Variants in PCDH15 observed in about 807,000 individuals in gnomAD.
The protein encoded by PCDH15 is protocadherin-15.
Under a neutral mutation model 178.5 loss-of-function variants are expected in PCDH15, and 129 were observed. The ratio of observed to expected loss-of-function variants is 0.72; its 90% confidence interval spans 0.63 to 0.84. The LOEUF (loss-of-function observed/expected upper bound fraction) is 0.84. PCDH15 is among the 40% of genes least tolerant of loss of function. PCDH15 has a pLI of 0.00. For missense variants in PCDH15, 2,230 were observed against 2,099.9 expected, an observed-to-expected ratio of 1.06 and a Z score of -1.21; for synonymous variants, 800 against 732.0, an observed-to-expected ratio of 1.09 and a Z score of -1.50.
At chr10:55,217,273 G>T (rs1016627465) in intron 1 of PCDH15, among the ~76,000 whole-genome samples, 9 of 151,806 alleles carry the variant, frequency 5.9e-5, no homozygotes, top group African/African-American at 9.7e-5. Flanking sequence ...CATATCAATA[G>T]ATAGGGAAAA....
chr10:55,330,753 T>G (rs1844177802), intron 2 of PCDH15, among the ~76,000 whole-genome samples: 1 of 151,810 alleles, frequency 6.6e-6, no homozygotes, highest in South Asian at 2.1e-4. Flanking sequence ...TTTTTGATCC[T>G]GATGACGAAG....
In PCDH15 at chr10:54,779,488, G is replaced by GTGTATATATACACACATATATGTGTGTA. The variant is rs147450863; in HGVS notation, c.-29+21436_-29+21437insTACACACATATATGTGTGTATATATACA. On this transcript the variant is annotated intron_variant, in intron 1 of 37. Coordinates refer to ENST00000644397, the MANE Select transcript of PCDH15 (RefSeq NM_001384140.1). Reference sequence around the variant, plus strand: ...TGTATATATATACACACATATATATGTATATATATACACACATATATGTGT... The same window carrying GTGTATATATACACACATATATGTGTGTA: ...TGTATATATATACACACATATATATGTGTATATATACACACATATATGTGTGTATATATATATACACACATATATGTGT... Among the ~76,000 whole-genome samples, 42 of 53,298 alleles carry GTGTATATATACACACATATATGTGTGTA rather than the reference G, an allele frequency of 7.9e-4. No individual in the cohort carries two copies. In the South Asian group the frequency reaches 9.1e-3, roughly 12 times the overall value. The allele number at this position is 53,298 out of a possible 152,430, so 35.0% of individuals were successfully genotyped here.
At chr10:54,014,394 C>T (rs2092680594) in intron 20 of PCDH15, among the ~76,000 whole-genome samples, 1 of 152,014 alleles carries the variant, frequency 6.6e-6, no homozygotes, top group African/African-American at 2.4e-5. Context: ...GAGGAGGAGG[C>T]ATCCCTCCCT....
chr10:54,836,148 G>A (rs907026860), intron 3 of PCDH15, among the ~76,000 whole-genome samples: 5 of 152,098 alleles, frequency 3.3e-5, no homozygotes, highest in East Asian at 1.9e-4. Context: ...ATGTCTAAAC[G>A]TCTGCAGAGA....
chr10:55,069,066 T>C, intron 2 of PCDH15, among the ~76,000 whole-genome samples: 1 of 39,964 alleles, frequency 2.5e-5, no homozygotes, highest in South Asian at 8.0e-4. Context: ...TCCAGCTATT[T>C]TTTTTTTTTT....
In PCDH15 at chr10:53,896,766, T is replaced by C. The variant is rs1435681702; in HGVS notation, c.3501+6477A>G. On this transcript the variant is annotated intron_variant, in intron 26 of 37. Coordinates refer to ENST00000644397, the MANE Select transcript of PCDH15 (RefSeq NM_001384140.1). ...CAGGTTCTTATAGGAACATAAACCC[T>C]ATCGTGACCTGCGCATGAAAGGGTT... 3.3e-5 allele frequency among the ~76,000 whole-genome samples: 5 copies of C among 152,106 alleles called. No individual in the cohort carries two copies. In the East Asian group the frequency reaches 7.7e-4, roughly 23 times the overall value.
intron 5 of PCDH15, among the ~76,000 whole-genome samples, chr10:54,366,141 A>G (rs1037428362): frequency 5.9e-5 from 9 of 152,188 alleles, no homozygotes; most frequent in Non-Finnish European, 4.4e-5. Flanking sequence ...AATTTATACT[A>G]CTGCTCCAGT....
intron 2 of PCDH15, among the ~76,000 whole-genome samples, chr10:55,408,763 A>G (rs1838265473): frequency 6.6e-6 from 1 of 152,080 alleles, no homozygotes; most frequent in Non-Finnish European, 1.5e-5. Context: ...AGTTTCGTCT[A>G]GTCTCATTCC....
intron 2 of PCDH15, among the ~76,000 whole-genome samples, chr10:55,532,607 C>T (rs1841478579): frequency 6.6e-6 from 1 of 151,746 alleles, no homozygotes; most frequent in Non-Finnish European, 1.5e-5. Flanking sequence ...AAAGTATAAA[C>T]CCAGATATGC....
intron 2 of PCDH15, among the ~76,000 whole-genome samples, chr10:55,452,434 G>A (rs574154814): frequency 8.5e-5 from 13 of 152,188 alleles, no homozygotes; most frequent in Admixed American, 8.5e-4. Context: ...CACCTAGGAA[G>A]GTTTGCTGTA....
chr10:54,010,069 C>G (rs1046245421), intron 20 of PCDH15, among the ~76,000 whole-genome samples: 1 of 152,186 alleles, frequency 6.6e-6, no homozygotes, highest in African/African-American at 2.4e-5. Flanking sequence ...CATTCCAGCC[C>G]CACCTGAGTT....
At chr10:54,765,252 G>C (rs1370167102) in intron 1 of PCDH15, among the ~76,000 whole-genome samples, 1 of 152,030 alleles carries the variant, frequency 6.6e-6, no homozygotes, top group Admixed American at 6.6e-5. Context: ...ACTTTACTCT[G>C]TTGAGCTAAA....
chr10:55,108,192 C>T (rs1044288460), intron 2 of PCDH15, among the ~76,000 whole-genome samples: 1 of 152,072 alleles, frequency 6.6e-6, no homozygotes, highest in Non-Finnish European at 1.5e-5. Flanking sequence ...TGTGAGAAAT[C>T]AATGTTTGTT....
intron 2 of PCDH15, among the ~76,000 whole-genome samples, chr10:55,607,794 T>C (rs1387213073): frequency 6.8e-6 from 1 of 147,364 alleles, no homozygotes; most frequent in African/African-American, 2.5e-5. Flanking sequence ...ATATACCTAA[T>C]GCTAGATGAC....
rs577993875 is a variant in PCDH15 at position 55,208,204 on chromosome 10, G to T, written c.-155-41553C>A. ...TGCAGATGTATTTATCAATATAAAT[G>T]GAAGAACATTTGTTGCCCACTAAAT... On this transcript the variant is annotated intron_variant, in intron 1 of 5. Transcript: ENST00000458638. Among the ~76,000 whole-genome samples the T allele has an allele frequency of 6.4e-4, 97 of 152,068 alleles. 1 individual carries two copies. The South Asian group carries it at 0.019, about 31-fold the overall frequency.
intron 1 of PCDH15, among the ~76,000 whole-genome samples, chr10:55,278,745 C>T (rs977622740): frequency 1.3e-5 from 2 of 152,094 alleles, no homozygotes; most frequent in African/African-American, 4.8e-5. Context: ...ATTGACAAGA[C>T]AAATGAAAAA....
intron 4 of PCDH15, among the ~76,000 whole-genome samples, chr10:54,375,222 C>T (rs1948222272): frequency 6.6e-6 from 1 of 152,046 alleles, no homozygotes; most frequent in Non-Finnish European, 1.5e-5. Context: ...TTTAAGCCTT[C>T]TTTAATGGCC....
chr10:54,199,107 TC>T (rs1332452929), intron 10 of PCDH15, among the ~76,000 whole-genome samples: 1 of 152,206 alleles, frequency 6.6e-6, no homozygotes, highest in East Asian at 1.9e-4. Flanking sequence ...CTTCCTCATA[TC>T]TATAAAAATT....
intron 2 of PCDH15, among the ~76,000 whole-genome samples, chr10:54,964,354 A>C (rs1371606254): frequency 6.6e-6 from 1 of 152,186 alleles, no homozygotes. Flanking sequence ...TTTTGACCCT[A>C]AGTCCCCAAA....
Sources: gnomAD v4.1 joint callset for allele counts (sites outside exome capture counted in the v4.1 genomes callset) on GRCh38, gnomAD v4.1.1 for gene constraint, MANE v1.5 for transcripts, NCBI Gene and HGNC (gene_info 2026-07-23, HGNC 2026-07-21) for gene names.